RAF1: variants seen among roughly 807,000 people sequenced by gnomAD.
RAF1 encodes the protein Raf-1 proto-oncogene, serine/threonine kinase.
RAF1 carries 27 observed loss-of-function variants against 81.1 expected under a neutral mutation model. The observed-to-expected ratio is 0.33, with a 90% CI of 0.25 to 0.46. The LOEUF is 0.46. Among genes scored for constraint, RAF1 ranks in the 20% least tolerant of loss-of-function variants. The probability of loss-of-function intolerance (pLI) is 1.00; values close to 1 mark genes in which losing one functional copy is unlikely to be tolerated. For missense variants in RAF1, 598 were observed against 826.0 expected (o/e 0.72, Z 3.38); for synonymous variants, 298 against 294.0 (o/e 1.01, Z -0.14).
At position 12,663,990 on chromosome 3, in the gene RAF1, C is replaced by A. The variant is rs547543588; in HGVS notation, c.-204G>T. Reference sequence around the variant, plus strand: ...CAAACGCGCTCCGCGCCTCAGGGCACGCGCCCCAAAGCCCGGCCAGCTGAC... The same window carrying A: ...CAAACGCGCTCCGCGCCTCAGGGCAAGCGCCCCAAAGCCCGGCCAGCTGAC... On this transcript the variant is annotated 5_prime_UTR_variant, in exon 1 of 18. Transcript: ENST00000442415. The A allele has an allele frequency of 1.5e-5, 6 of 398,582 alleles. No individual in the cohort carries two copies. The highest frequency in any genetic ancestry group is 1.4e-4 in the East Asian group (4 of 28,074). The allele number at this position is 398,582 out of a possible 1,614,324, so 24.7% of individuals were successfully genotyped here.
In RAF1 at chr3:12,664,052, T is replaced by A; in HGVS notation, c.-266A>T. On this transcript the variant is annotated 5_prime_UTR_variant, in exon 1 of 18. Coordinates refer to ENST00000442415, the MANE Select transcript of RAF1 (RefSeq NM_001354689.3). ...CCCAAAAAAGGCAGCAGAAAGCCGTTCCCGCCTCACAATCGTTTTCCTCTT... is the reference window on the plus strand; with the variant it reads ...CCCAAAAAAGGCAGCAGAAAGCCGTACCCGCCTCACAATCGTTTTCCTCTT... 2.5e-6 allele frequency: 1 copy of A among 398,364 alleles called. No individual in the cohort carries two copies. The highest frequency in any genetic ancestry group is 4.4e-6 in the Non-Finnish European group (1 of 225,926). The allele number at this position is 398,364 out of a possible 1,614,324, so 24.7% of individuals were successfully genotyped here. A position where few individuals can be genotyped will look rare whatever the true frequency, so the allele number is the denominator to read the frequency against.
intron 14 of RAF1, 29 bp from the exon 14 acceptor site, chr3:12,585,828 A>G (rs770404060): frequency 5.3e-6 from 8 of 1,507,136 alleles, no homozygotes; most frequent in Non-Finnish European, 7.4e-6. Context: ...CTCTGGTTTC[A>G]AAAGAATGGT....
At chr3:12,591,894 C>G (rs2058525871) in intron 11 of RAF1, 102 bp from the exon 11 acceptor site, 1 of 910,746 alleles carries the variant, frequency 1.1e-6, no homozygotes, top group African/African-American at 1.6e-5. Context: ...TCCAAAGAAT[C>G]ACATACCTAC....
intron 2 of RAF1, among the ~76,000 whole-genome samples, chr3:12,615,943 T>C (rs2059356424): frequency 6.6e-6 from 1 of 151,938 alleles, no homozygotes; most frequent in Admixed American, 6.6e-5. Context: ...CCCAGCTACT[T>C]GGGAGGCTGA....
chr3:12,632,291 T>C (rs1575626128), intron 1 of RAF1, among the ~76,000 whole-genome samples: 1 of 131,770 alleles, frequency 7.6e-6, no homozygotes, highest in South Asian at 2.4e-4. Context: ...ACCGTTGCAC[T>C]CCAGCCTGGG....
chr3:12,629,080 A>T (rs1483741347), intron 1 of RAF1, among the ~76,000 whole-genome samples: 1 of 152,188 alleles, frequency 6.6e-6, no homozygotes, highest in Non-Finnish European at 1.5e-5. Flanking sequence ...CAGTTGTATC[A>T]TAATTCCTAT....
intron 1 of RAF1, among the ~76,000 whole-genome samples, chr3:12,624,982 A>G (rs1191774045): frequency 6.6e-6 from 1 of 152,178 alleles, no homozygotes; most frequent in African/African-American, 2.4e-5. Context: ...AATTAAATTC[A>G]CAGAAAAGCA....
intron 1 of RAF1, among the ~76,000 whole-genome samples, chr3:12,624,147 C>A (rs972676008): frequency 6.6e-6 from 1 of 152,120 alleles, no homozygotes; most frequent in Non-Finnish European, 1.5e-5. Context: ...AGCCACTGCA[C>A]CCGGCCTTCC....
intron 1 of RAF1, among the ~76,000 whole-genome samples, chr3:12,663,547 T>C (rs1191111463): frequency 1.3e-5 from 2 of 152,208 alleles, no homozygotes; most frequent in African/African-American, 2.4e-5. Flanking sequence ...GGAATGCGCA[T>C]GGCATAAGGG....
chr3:12,600,728 A>G (rs560362539), intron 8 of RAF1, among the ~76,000 whole-genome samples: 2 of 152,108 alleles, frequency 1.3e-5, no homozygotes, highest in South Asian at 2.1e-4. Context: ...CGCCCGGCTA[A>G]TTTTTGCATT....
intron 1 of RAF1, among the ~76,000 whole-genome samples, chr3:12,645,432 G>A (rs1240203805): frequency 6.6e-6 from 1 of 152,128 alleles, no homozygotes; most frequent in Non-Finnish European, 1.5e-5. Context: ...CAATTTAAGA[G>A]AAGCAAAATT....
At chr3:12,663,398 G>A (rs915575990) in intron 1 of RAF1, among the ~76,000 whole-genome samples, 4 of 152,182 alleles carry the variant, frequency 2.6e-5, no homozygotes, top group African/African-American at 9.7e-5. Flanking sequence ...CTAAAAGGGT[G>A]TCACTTGACT....
chr3:12,624,885 C>CAAAAAAAAAAAAAA (rs11298876), intron 1 of RAF1, among the ~76,000 whole-genome samples: 4 of 111,706 alleles, frequency 3.6e-5, no homozygotes, highest in African/African-American at 1.1e-4. Context: ...GACTCCAACT[C>CAAAAAAAAAAAAAA]AAAAAAAAAA....
intron 5 of RAF1, among the ~76,000 whole-genome samples, chr3:12,607,285 T>C (rs1328186895): frequency 6.6e-6 from 1 of 152,184 alleles, no homozygotes; most frequent in African/African-American, 2.4e-5. Flanking sequence ...TTCAGATGCA[T>C]GAACGAAAAC....
intron 8 of RAF1, among the ~76,000 whole-genome samples, chr3:12,603,300 T>C (rs1453913817): frequency 6.6e-6 from 1 of 152,068 alleles, no homozygotes; most frequent in East Asian, 1.9e-4. Flanking sequence ...TTTACTTCTA[T>C]ATACTCTACT....
intron 1 of RAF1, among the ~76,000 whole-genome samples, chr3:12,662,202 G>T (rs547631041): frequency 6.6e-6 from 1 of 151,274 alleles, no homozygotes; most frequent in African/African-American, 2.4e-5. Context: ...ATGTGTGGTG[G>T]CACCTGTCTG....
intron 1 of RAF1, among the ~76,000 whole-genome samples, chr3:12,657,055 A>AT (rs2125582924): frequency 6.6e-6 from 1 of 152,206 alleles, no homozygotes; most frequent in South Asian, 2.1e-4. Flanking sequence ...GCCTCTCTCA[A>AT]TTAGATAAGG....
intron 1 of RAF1, among the ~76,000 whole-genome samples, chr3:12,641,529 T>C (rs565160170): frequency 3.4e-4 from 51 of 149,204 alleles, no homozygotes; most frequent in African/African-American, 1.2e-3. Flanking sequence ...TCTCGCTCTG[T>C]CACCCAGGCT....
intron 1 of RAF1, among the ~76,000 whole-genome samples, chr3:12,637,607 C>G (rs1044630406): frequency 6.6e-6 from 1 of 151,824 alleles, no homozygotes; most frequent in Admixed American, 6.6e-5. Flanking sequence ...CACAGTGGCT[C>G]GCAGGAGGCT....
Sources: gnomAD v4.1 joint callset for allele counts (sites outside exome capture counted in the v4.1 genomes callset) on GRCh38, gnomAD v4.1.1 for gene constraint, MANE v1.5 for transcripts, NCBI Gene and HGNC (gene_info 2026-07-23, HGNC 2026-07-21) for gene names.